Variants in MAPT observed in about 807,000 individuals in gnomAD.
MAPT encodes microtubule-associated protein tau.
Under a neutral mutation model 67.9 loss-of-function variants are expected in MAPT, and 34 were observed. The ratio of observed to expected loss-of-function variants is 0.50; its 90% CI spans 0.38 to 0.67. MAPT has a LOEUF of 0.67. Ranked by LOEUF, MAPT falls within the 30% of genes least tolerant of loss-of-function variation. MAPT has a pLI of 0.00. For missense variants in MAPT, 881 were observed against 1,115.2 expected, an observed-to-expected ratio of 0.79 and a Z score of 2.99; for synonymous variants, 456 against 464.5, an observed-to-expected ratio of 0.98 and a Z score of 0.23.
intron 11 of MAPT, among the ~76,000 whole-genome samples, chr17:46,014,822 G>A (rs560935583): frequency 1.3e-5 from 2 of 151,384 alleles, no homozygotes; most frequent in South Asian, 4.2e-4. Context: ...TGCAGTGAGC[G>A]GAGTGAGCAG....
chr17:45,940,334 C>T (rs977934020), intron 1 of MAPT, among the ~76,000 whole-genome samples: 9 of 152,208 alleles, frequency 5.9e-5, no homozygotes, highest in African/African-American at 2.2e-4. Context: ...ATCCTGGTTT[C>T]ACCACTGACA....
At chr17:45,943,255 G>C (rs1246583720) in intron 1 of MAPT, among the ~76,000 whole-genome samples, 2 of 152,152 alleles carry the variant, frequency 1.3e-5, no homozygotes, top group Non-Finnish European at 2.9e-5. Flanking sequence ...TTGTTTTGCT[G>C]TGTTGGCCAA....
At chr17:45,964,672 C>A (rs2070850628) in intron 2 of MAPT, among the ~76,000 whole-genome samples, 1 of 151,328 alleles carries the variant, frequency 6.6e-6, no homozygotes. Context: ...CGACAGAGAC[C>A]CCCATGTCAA....
rs111752348 is a variant in MAPT at position 45,896,977 on chromosome 17, TCGC to T, written c.-18+2293_-18+2295del. On this transcript the variant is annotated intron_variant, in intron 1 of 12. Coordinates refer to ENST00000262410, the MANE Select transcript of MAPT (RefSeq NM_001377265.1). This position sits in a 1 kb window ranked among gnomAD's most constrained non-coding sequence, Gnocchi z 5.6. ...CTAGGAGCTGAATCCTCCACGCGGG[TCGC>T]CCAGGTTGATCTGAATTTCTGGGGA... 21,742 of 152,028 alleles carry T rather than the reference TCGC, an allele frequency of 0.14. 2,094 individuals are homozygous for T. Among genetic ancestry groups the T allele is most frequent in the Middle Eastern group, 0.22 (64 of 294 alleles). The allele number at this position is 152,028 out of a possible 1,614,324, so 9.4% of individuals were successfully genotyped here. A position where few individuals can be genotyped will look rare whatever the true frequency, so the allele number is the denominator to read the frequency against.
intron 9 of MAPT, among the ~76,000 whole-genome samples, chr17:46,002,750 G>C (rs1291439737): frequency 6.6e-6 from 1 of 152,208 alleles, no homozygotes; most frequent in Admixed American, 6.5e-5. Flanking sequence ...CTGGGCCGCA[G>C]CCTGGGTGGC....
chr17:45,900,205 A>G (rs1023090536), intron 1 of MAPT, among the ~76,000 whole-genome samples: 1 of 152,182 alleles, frequency 6.6e-6, no homozygotes, highest in Non-Finnish European at 1.5e-5. Flanking sequence ...TAAGTATTCC[A>G]TTATACTGTG....
At chr17:46,014,581 G>A (rs1293177832) in intron 11 of MAPT, among the ~76,000 whole-genome samples, 1 of 152,192 alleles carries the variant, frequency 6.6e-6, no homozygotes, top group Non-Finnish European at 1.5e-5. Context: ...CAGAAAGAAA[G>A]CACATATTCT....
At chr17:46,001,633 A>G (rs1202611684) in intron 9 of MAPT, among the ~76,000 whole-genome samples, 1 of 152,220 alleles carries the variant, frequency 6.6e-6, no homozygotes, top group Non-Finnish European at 1.5e-5. Context: ...ACTACACCCT[A>G]GCCTGGGCAA....
chr17:45,962,608 T>C (rs1338182276), intron 2 of MAPT, 138 bp downstream of exon 2: 1 of 1,194,432 alleles, frequency 8.4e-7, no homozygotes, highest in Non-Finnish European at 1.2e-6. Flanking sequence ...CCTCATTAAT[T>C]TGAGTGGGCC....
chr17:45,947,610 A>T (rs1040396422), intron 1 of MAPT, among the ~76,000 whole-genome samples: 28 of 151,190 alleles, frequency 1.9e-4, no homozygotes, highest in African/African-American at 6.8e-4. Flanking sequence ...CTGGTCTCGA[A>T]CTCCTGACCT....
At chr17:45,922,236 C>T (rs973465145) in intron 1 of MAPT, among the ~76,000 whole-genome samples, 2 of 152,028 alleles carry the variant, frequency 1.3e-5, no homozygotes, top group African/African-American at 2.4e-5. Context: ...CATGAGCCAC[C>T]GCGGCCAGCC....
At chr17:45,986,178 C>T (rs1378138251) in intron 5 of MAPT, among the ~76,000 whole-genome samples, 1 of 152,162 alleles carries the variant, frequency 6.6e-6, no homozygotes, top group South Asian at 2.1e-4. Flanking sequence ...AGTGAGAATT[C>T]GTGCCCTTTG....
chr17:46,018,941 C>T (rs886217689), intron 12 of MAPT, among the ~76,000 whole-genome samples: 1 of 152,190 alleles, frequency 6.6e-6, no homozygotes, highest in African/African-American at 2.4e-5. Context: ...GGGCCCCAAC[C>T]TGGAGAGGCT....
chr17:45,907,749 T>C (rs2064423722), intron 1 of MAPT: 1 of 152,228 alleles, frequency 6.6e-6, no homozygotes, highest in Admixed American at 6.5e-5. Context: ...TTGGTCCAAA[T>C]GAGTTTTGCT....
At chr17:45,912,674 T>C (rs2064880066) in intron 1 of MAPT, among the ~76,000 whole-genome samples, 1 of 152,220 alleles carries the variant, frequency 6.6e-6, no homozygotes, top group Admixed American at 6.5e-5. Flanking sequence ...CCACCAAGTT[T>C]ATGGTCATTT....
In MAPT at chr17:45,971,336, G is replaced by T. The variant is rs752978333; in HGVS notation, c.134-523G>T. Among the ~76,000 whole-genome samples, 4 of 152,136 alleles carry T rather than the reference G, an allele frequency of 2.6e-5. No individual in the cohort carries two copies. The highest frequency in any genetic ancestry group is 5.9e-5 in the Non-Finnish European group (4 of 68,030). On this transcript the variant is annotated intron_variant, in intron 2 of 12. Coordinates refer to ENST00000262410, the MANE Select transcript of MAPT (RefSeq NM_001377265.1). This position sits in a 1 kb window ranked among gnomAD's most constrained non-coding sequence, Gnocchi z 4.3. ...ACAGCTTGTCCATCAGTCCTTGGAG[G>T]TCTTTCTATGAAAGGAGCTTGGTGG...
intron 9 of MAPT, chr17:45,999,651 C>A: frequency 6.2e-7 from 1 of 1,604,948 alleles, no homozygotes; most frequent in East Asian, 2.2e-5. Flanking sequence ...GTCAGGCGAC[C>A]TCATGCCAAG....
chr17:45,898,667 T>C (rs1218700665), intron 1 of MAPT: 1 of 152,196 alleles, frequency 6.6e-6, no homozygotes, highest in Non-Finnish European at 1.5e-5. Flanking sequence ...ATTGGACATG[T>C]GATAATTTTC....
chr17:45,933,036 C>G (rs980489172), intron 1 of MAPT, among the ~76,000 whole-genome samples: 1 of 151,796 alleles, frequency 6.6e-6, no homozygotes, highest in African/African-American at 2.4e-5. Flanking sequence ...GGGCCAAGAT[C>G]GCACCATTGC....
Sources: gnomAD v4.1 joint callset for allele counts (sites outside exome capture counted in the v4.1 genomes callset) on GRCh38, gnomAD v4.1.1 for gene constraint, Gnocchi (gnomAD v3.1) non-coding constraint, MANE v1.5 for transcripts, NCBI Gene and HGNC (gene_info 2026-07-23, HGNC 2026-07-21) for gene names.